Variants in PCDHA2 observed in about 807,000 individuals in gnomAD.
PCDHA2 encodes the protein protocadherin alpha-2.
A neutral mutation model predicts 66.0 loss-of-function variants in PCDHA2; 58 were observed. That is an observed-to-expected ratio of 0.88 (90% CI 0.71 to 1.09). The LOEUF (loss-of-function observed/expected upper bound fraction) is 1.09. PCDHA2 is among the 50% of genes least tolerant of loss of function. The probability of loss-of-function intolerance (pLI) is 0.00; values close to 1 mark genes in which losing one functional copy is unlikely to be tolerated. For synonymous variants in PCDHA2, 634 were observed against 554.0 expected, an observed-to-expected ratio of 1.14 and a Z score of -2.03; for missense variants, 1,267 against 1,242.3, an observed-to-expected ratio of 1.02 and a Z score of -0.30.
intron 3 of PCDHA2, among the ~76,000 whole-genome samples, chr5:141,000,365 C>G (rs1413548696): frequency 7.8e-5 from 1 of 12,832 alleles, no homozygotes; most frequent in Non-Finnish European, 1.3e-4. Flanking sequence ...CTCTCTGTCT[C>G]TCTCTCTCTC....
chr5:140,978,656 G>A (rs2096815434), intron 1 of PCDHA2, among the ~76,000 whole-genome samples: 1 of 152,248 alleles, frequency 6.6e-6, no homozygotes, highest in African/African-American at 2.4e-5. Flanking sequence ...TCTTCCCGTA[G>A]TGTTTTAAGA....
At chr5:140,805,105 T>G in intron 1 of PCDHA2, 1 of 1,591,374 alleles carries the variant, frequency 6.3e-7, no homozygotes, top group Non-Finnish European at 8.5e-7. Flanking sequence ...TTGAAACTAT[T>G]GTCTAACAAG....
At chr5:140,868,767 C>A in intron 1 of PCDHA2, 1 of 249,464 alleles carries the variant, frequency 4.0e-6, no homozygotes, top group East Asian at 8.4e-5. Context: ...TATTTAGTTT[C>A]AATATGACTT....
intron 1 of PCDHA2, chr5:140,843,946 C>A: frequency 1.8e-6 from 1 of 563,342 alleles, no homozygotes; most frequent in Non-Finnish European, 3.1e-6. Context: ...TGGATGATAT[C>A]CATTTTTTAC....
At chr5:140,877,438 G>A (rs1554169741) in intron 1 of PCDHA2, 1 of 1,613,892 alleles carries the variant, frequency 6.2e-7, no homozygotes, top group South Asian at 1.1e-5. Context: ...GGACCACGGT[G>A]AGCCCGCGCT....
intron 1 of PCDHA2, among the ~76,000 whole-genome samples, chr5:140,899,719 C>A (rs2067514429): frequency 6.6e-6 from 1 of 152,198 alleles, no homozygotes; most frequent in Non-Finnish European, 1.5e-5. Flanking sequence ...AGGATTCCCT[C>A]TTTTTCTATT....
At chr5:140,894,259 T>A (rs2064392118) in intron 1 of PCDHA2, among the ~76,000 whole-genome samples, 1 of 152,106 alleles carries the variant, frequency 6.6e-6, no homozygotes. Context: ...TCTTTACAAG[T>A]GGTAGCTTAT....
intron 1 of PCDHA2, chr5:140,836,280 A>T: frequency 6.2e-7 from 1 of 1,613,762 alleles, no homozygotes; most frequent in South Asian, 1.1e-5. Flanking sequence ...TGAGATCAGC[A>T]CGACACGAGC....
At chr5:140,908,470 G>C (rs2073991280) in intron 1 of PCDHA2, among the ~76,000 whole-genome samples, 1 of 152,186 alleles carries the variant, frequency 6.6e-6, no homozygotes, top group Non-Finnish European at 1.5e-5. Flanking sequence ...AAAGCACCCA[G>C]TTCATGATAG....
chr5:140,821,620 C>T, intron 1 of PCDHA2: 1 of 875,014 alleles, frequency 1.1e-6, no homozygotes. Flanking sequence ...AGTAGATTTT[C>T]CTTAGACAGA....
At chr5:140,808,443 C>T in intron 1 of PCDHA2, 2 of 1,614,198 alleles carry the variant, frequency 1.2e-6, no homozygotes, top group Non-Finnish European at 1.7e-6. Flanking sequence ...GAGAGCGTGT[C>T]AGCCTATGAG....
intron 1 of PCDHA2, chr5:140,927,270 C>G: frequency 6.2e-7 from 1 of 1,614,150 alleles, no homozygotes; most frequent in Non-Finnish European, 8.5e-7. Context: ...TCTTTCCTGC[C>G]GGCGACGTGC....
In PCDHA2 at chr5:140,853,519, C is replaced by G. The variant is rs73793503; in HGVS notation, c.2388+56167C>G. ...GAATCATGAAACAATAATGAAGCTCCTCCTATGTCTCTTTTCAAGTTGTAA... is the reference window on the plus strand; with the variant it reads ...GAATCATGAAACAATAATGAAGCTCGTCCTATGTCTCTTTTCAAGTTGTAA... On this transcript the variant is annotated intron_variant, in intron 1 of 3. Transcript: ENST00000526136. The G allele has an allele frequency of 2.2e-3, 2,124 of 976,444 alleles. 135 individuals are homozygous for G. The African/African-American group carries it at 0.036, about 16-fold the overall frequency. The allele number at this position is 976,444 out of a possible 1,614,324, so 60.5% of individuals were successfully genotyped here. A position where few individuals can be genotyped will look rare whatever the true frequency, so the allele number is the denominator to read the frequency against.
intron 1 of PCDHA2, among the ~76,000 whole-genome samples, chr5:140,971,037 TA>T (rs2096453416): frequency 1.3e-5 from 2 of 152,200 alleles, no homozygotes; most frequent in Admixed American, 6.5e-5. Context: ...TGAAAGCACG[TA>T]AAAGGGTTTA....
At chr5:141,002,342 C>A (rs1047277199) in intron 3 of PCDHA2, among the ~76,000 whole-genome samples, 3 of 152,070 alleles carry the variant, frequency 2.0e-5, no homozygotes, top group African/African-American at 4.8e-5. Flanking sequence ...CGCACCCCTT[C>A]CCCCACCTCC....
intron 1 of PCDHA2, chr5:140,807,158 T>G: frequency 3.1e-6 from 5 of 1,590,660 alleles, no homozygotes; most frequent in Non-Finnish European, 4.3e-6. Flanking sequence ...GAAACGATAT[T>G]TAATCAGAAC....
At chr5:140,895,332 G>C (rs1021596445) in intron 1 of PCDHA2, among the ~76,000 whole-genome samples, 1 of 151,584 alleles carries the variant, frequency 6.6e-6, no homozygotes, top group South Asian at 2.1e-4. Context: ...TTCTCAAATT[G>C]TTTTACTATG....
At chr5:140,856,114 C>A (rs1375690984) in intron 1 of PCDHA2, 3 of 1,597,988 alleles carry the variant, frequency 1.9e-6, no homozygotes, top group Non-Finnish European at 2.6e-6. Flanking sequence ...TCCTCGCAGC[C>A]TGGGAGGTGG....
intron 1 of PCDHA2, among the ~76,000 whole-genome samples, chr5:140,840,697 A>G (rs2150308964): frequency 0.01 from 1,558 of 152,188 alleles, 49 homozygotes; most frequent in African/African-American, 0.036. Context: ...AAAACGGTTC[A>G]GGCAATTTGA....
Sources: allele counts gnomAD v4.1 joint callset (sites outside exome capture counted in the v4.1 genomes callset), GRCh38; gene constraint gnomAD v4.1.1; transcripts MANE v1.5; gene names NCBI Gene and HGNC (gene_info 2026-07-23, HGNC 2026-07-21).